Variants in SLC25A42 observed in about 807,000 individuals in gnomAD.
The protein encoded by SLC25A42 is solute carrier family 25 member 42, also known as mitochondrial coenzyme A transporter SLC25A42.
Under a neutral mutation model 34.7 loss-of-function variants are expected in SLC25A42, and 19 were observed. The ratio of observed to expected loss-of-function variants is 0.55; its 90% confidence interval spans 0.38 to 0.80. SLC25A42 has a LOEUF of 0.80. Ranked by LOEUF, SLC25A42 falls within the 30% of genes least tolerant of loss-of-function variation. SLC25A42 has a pLI of 0.00. For synonymous variants in SLC25A42, 205 were observed against 191.2 expected (o/e 1.07, Z -0.59); for missense variants, 364 against 441.3 (o/e 0.82, Z 1.57).
rs1013256500 is a variant in SLC25A42 at position 19,111,238 on chromosome 19, C to A, written c.*362C>A. The A allele has an allele frequency of 9.8e-6, 3 of 305,498 alleles. No homozygotes were observed. Among genetic ancestry groups the A allele is most frequent in the African/African-American group, 4.5e-5 (2 of 44,240 alleles). 18.9% of individuals were successfully genotyped at this position (305,498 alleles called of 1,614,324 possible). A position where few individuals can be genotyped will look rare whatever the true frequency, so the allele number is the denominator to read the frequency against. ...TGCTGCTGATTCTAGTGACCCCTGT[C>A]CCCACCAGGCTCAGAGCCAGACCGC... is the stretch of plus-strand genomic sequence containing the variant. On this transcript the variant is annotated 3_prime_UTR_variant, in exon 8 of 8. Coordinates refer to ENST00000318596, the MANE Select transcript of SLC25A42 (RefSeq NM_178526.5).
intron 1 of SLC25A42, among the ~76,000 whole-genome samples, chr19:19,092,505 G>C (rs2059743232): frequency 1.3e-5 from 2 of 152,176 alleles, no homozygotes; most frequent in African/African-American, 4.8e-5. Flanking sequence ...GCCCTGTCTG[G>C]TGGCTCTTCT....
intron 1 of SLC25A42, among the ~76,000 whole-genome samples, chr19:19,065,820 A>G (rs1426325490): frequency 6.6e-6 from 1 of 152,214 alleles, no homozygotes; most frequent in Non-Finnish European, 1.5e-5. Context: ...TTATATATGT[A>G]CATGTGTATA....
chr19:19,107,648 A>C (rs908313127), intron 6 of SLC25A42, among the ~76,000 whole-genome samples: 3 of 151,490 alleles, frequency 2.0e-5, no homozygotes, highest in Non-Finnish European at 4.4e-5. Context: ...ACAAAGAAAC[A>C]AAAAAAAAGA....
intron 2 of SLC25A42, among the ~76,000 whole-genome samples, chr19:19,099,980 G>A (rs982214540): frequency 3.2e-4 from 48 of 151,432 alleles, no homozygotes; most frequent in African/African-American, 5.6e-4. Context: ...TGCCCGCCTC[G>A]GCCTCCCAAA....
intron 1 of SLC25A42, among the ~76,000 whole-genome samples, chr19:19,093,313 G>A (rs1397988748): frequency 6.6e-6 from 1 of 152,202 alleles, no homozygotes; most frequent in Non-Finnish European, 1.5e-5. Flanking sequence ...ACCACGCCCA[G>A]CTGAGAGCAG....
chr19:19,076,082 TC>T (rs2059654626), intron 1 of SLC25A42, among the ~76,000 whole-genome samples: 1 of 152,150 alleles, frequency 6.6e-6, no homozygotes, highest in South Asian at 2.1e-4. Flanking sequence ...CAGAATGCTG[TC>T]CTCAGAAGGG....
intron 1 of SLC25A42, among the ~76,000 whole-genome samples, chr19:19,064,832 C>T (rs779160105): frequency 2.0e-5 from 3 of 152,004 alleles, no homozygotes; most frequent in Non-Finnish European, 2.9e-5. Flanking sequence ...GCCTTGGTAT[C>T]TCAGGATCGC....
chr19:19,087,805 TCCAGGGCAG>T (rs2059715894), intron 1 of SLC25A42, among the ~76,000 whole-genome samples: 1 of 152,284 alleles, frequency 6.6e-6, no homozygotes, highest in Non-Finnish European at 1.5e-5. Context: ...CAGCCGAAGC[TCCAGGGCAG>T]GCAGGGGAGA....
chr19:19,101,911 C>T (rs1021369677), intron 3 of SLC25A42, 25 bp downstream of exon 3: 56 of 1,575,628 alleles, frequency 3.6e-5, no homozygotes, highest in Non-Finnish European at 4.7e-5. Flanking sequence ...TCCCCAGGTG[C>T]TAGAGAAGCT....
intron 1 of SLC25A42, among the ~76,000 whole-genome samples, chr19:19,087,848 G>A (rs1396010624): frequency 6.6e-6 from 1 of 152,210 alleles, no homozygotes. Flanking sequence ...AGTGGAAAAG[G>A]GCAGGCTCAA....
At chr19:19,104,283 C>A (rs1360137291) in intron 3 of SLC25A42, among the ~76,000 whole-genome samples, 1 of 152,154 alleles carries the variant, frequency 6.6e-6, no homozygotes, top group Non-Finnish European at 1.5e-5. Flanking sequence ...GGGGTTCAAC[C>A]CTTGAGGCAG....
chr19:19,092,806 C>T (rs1052082982), intron 1 of SLC25A42, among the ~76,000 whole-genome samples: 3 of 152,322 alleles, frequency 2.0e-5, no homozygotes, highest in East Asian at 1.9e-4. Flanking sequence ...GAGGCTGCGC[C>T]GTTCTCACCC....
chr19:19,096,255 C>T (rs2072101), intron 2 of SLC25A42, 50 bp downstream of exon 2: 1 of 1,250,472 alleles, frequency 8.0e-7, no homozygotes. Context: ...GCCCCAGCCT[C>T]CCCACCCCCC....
chr19:19,092,734 CT>C (rs2059744395), intron 1 of SLC25A42, among the ~76,000 whole-genome samples: 1 of 152,194 alleles, frequency 6.6e-6, no homozygotes, highest in Non-Finnish European at 1.5e-5. Flanking sequence ...GGGAAGGTGA[CT>C]TTGCAGAACA....
intron 1 of SLC25A42, among the ~76,000 whole-genome samples, chr19:19,069,027 TAAAA>T (rs5827428): frequency 7.0e-6 from 1 of 142,588 alleles, no homozygotes; most frequent in African/African-American, 2.6e-5. Context: ...TCTGTCTCTT[TAAAA>T]AAAAAAAAAA....
At chr19:19,072,058 G>A (rs2059633315) in intron 1 of SLC25A42, among the ~76,000 whole-genome samples, 1 of 152,140 alleles carries the variant, frequency 6.6e-6, no homozygotes, top group Non-Finnish European at 1.5e-5. Context: ...TTGCTGTGTT[G>A]CCCAGGCTGA....
chr19:19,103,077 T>C (rs1363920904), intron 3 of SLC25A42, among the ~76,000 whole-genome samples: 2 of 151,902 alleles, frequency 1.3e-5, no homozygotes, highest in East Asian at 3.9e-4. Flanking sequence ...CTCTCTCTCT[T>C]TTATTTATTT....
At chr19:19,069,217 G>A (rs2059617382) in intron 1 of SLC25A42, among the ~76,000 whole-genome samples, 1 of 152,110 alleles carries the variant, frequency 6.6e-6, no homozygotes, top group East Asian at 1.9e-4. Flanking sequence ...CTACCATCTT[G>A]GGCAGAATGC....
chr19:19,086,865 A>G (rs150315327), intron 1 of SLC25A42, among the ~76,000 whole-genome samples: 67 of 152,114 alleles, frequency 4.4e-4, no homozygotes, highest in African/African-American at 1.6e-3. Flanking sequence ...GGACAATGTG[A>G]TGTTCTGATA....
Sources: allele counts gnomAD v4.1 joint callset (sites outside exome capture counted in the v4.1 genomes callset), GRCh38; gene constraint gnomAD v4.1.1; transcripts MANE v1.5; gene names NCBI Gene and HGNC (gene_info 2026-07-23, HGNC 2026-07-21).